PPFIA2: variants seen among roughly 807,000 people sequenced by gnomAD.
PPFIA2 encodes PPFI scaffold protein A2.
PPFIA2 carries 46 observed loss-of-function variants against 175.5 expected under a neutral mutation model. The observed-to-expected ratio is 0.26, with a 90% CI of 0.21 to 0.34. PPFIA2 has a LOEUF of 0.34. Among genes scored for constraint, PPFIA2 ranks in the 10% least tolerant of loss-of-function variants. The pLI is 1.00. For missense variants in PPFIA2, 1,179 were observed against 1,506.1 expected, an observed-to-expected ratio of 0.78 and a Z score of 3.60; for synonymous variants, 568 against 511.4, an observed-to-expected ratio of 1.11 and a Z score of -1.49.
At chr12:81,262,486 G>A (rs1436855721) in intron 31 of PPFIA2, among the ~76,000 whole-genome samples, 1 of 152,066 alleles carries the variant, frequency 6.6e-6, no homozygotes, top group African/African-American at 2.4e-5. Context: ...GTTTATGTTG[G>A]AACTAAATTT....
At chr12:81,433,624 A>G (rs1288598732) in intron 7 of PPFIA2, among the ~76,000 whole-genome samples, 1 of 152,208 alleles carries the variant, frequency 6.6e-6, no homozygotes, top group Non-Finnish European at 1.5e-5. Context: ...TGATCAACAT[A>G]TTGCTGTTTA....
At chr12:81,410,805 TTCTC>T (rs1056911028) in intron 7 of PPFIA2, among the ~76,000 whole-genome samples, 4 of 152,024 alleles carry the variant, frequency 2.6e-5, no homozygotes, top group South Asian at 2.1e-4. Context: ...TGGGAAACGA[TTCTC>T]TCTATCTACT....
chr12:81,315,476 A>G (rs1291739301), intron 22 of PPFIA2, among the ~76,000 whole-genome samples: 1 of 151,730 alleles, frequency 6.6e-6, no homozygotes, highest in Non-Finnish European at 1.5e-5. Flanking sequence ...GTGATAATGC[A>G]CTGGAAAAGG....
chr12:81,503,726 G>C (rs1485719656), intron 4 of PPFIA2, among the ~76,000 whole-genome samples: 1 of 151,824 alleles, frequency 6.6e-6, no homozygotes, highest in Admixed American at 6.6e-5. Flanking sequence ...TTTTTCTCTA[G>C]TTATAAATTT....
intron 23 of PPFIA2, among the ~76,000 whole-genome samples, chr12:81,296,323 A>C (rs1391572146): frequency 2.0e-5 from 3 of 152,192 alleles, no homozygotes; most frequent in Middle Eastern, 3.2e-3. Context: ...TGTCTCAAAA[A>C]AGAAAAGAAA....
intron 4 of PPFIA2, among the ~76,000 whole-genome samples, chr12:81,480,629 C>G (rs190163925): frequency 1.3e-3 from 192 of 152,228 alleles, no homozygotes; most frequent in Non-Finnish European, 2.0e-3. Context: ...TGATGCTCTT[C>G]CTTTGTATTT....
At chr12:81,283,859 C>T (rs865876023) in intron 25 of PPFIA2, among the ~76,000 whole-genome samples, 1 of 151,936 alleles carries the variant, frequency 6.6e-6, no homozygotes. Context: ...ACCACATGAT[C>T]ATATTAAAAA....
At chr12:81,598,183 T>C in intron 4 of PPFIA2, 1 of 1,380,496 alleles carries the variant, frequency 7.2e-7, no homozygotes. Context: ...GATAGCATTT[T>C]GAATTGTTCT....
intron 4 of PPFIA2, among the ~76,000 whole-genome samples, chr12:81,604,623 C>A (rs906076671): frequency 6.6e-6 from 1 of 151,492 alleles, no homozygotes; most frequent in Non-Finnish European, 1.5e-5. Context: ...CAATATCACA[C>A]CTCAAATAAA....
intron 4 of PPFIA2, among the ~76,000 whole-genome samples, chr12:81,539,058 T>C (rs1394887054): frequency 6.6e-6 from 1 of 151,888 alleles, no homozygotes; most frequent in Non-Finnish European, 1.5e-5. Flanking sequence ...ATGGGTTGTA[T>C]TGTGTGAAAG....
At chr12:81,303,742 AG>A (rs2048439102) in intron 22 of PPFIA2, among the ~76,000 whole-genome samples, 1 of 152,214 alleles carries the variant, frequency 6.6e-6, no homozygotes, top group African/African-American at 2.4e-5. Context: ...AACTGAAGAC[AG>A]GAGCAAACAA....
At chr12:81,658,665 G>GTATAT (rs1469589227) in intron 4 of PPFIA2, among the ~76,000 whole-genome samples, 1 of 151,788 alleles carries the variant, frequency 6.6e-6, no homozygotes, top group Non-Finnish European at 1.5e-5. Flanking sequence ...ATATGTGTGT[G>GTATAT]TATATGTGCA....
chr12:81,547,073 A>T (rs150857709), intron 4 of PPFIA2, among the ~76,000 whole-genome samples: 246 of 152,230 alleles, frequency 1.6e-3, no homozygotes, highest in African/African-American at 5.8e-3. Context: ...CAGTGCCTAG[A>T]TTTTGGTGTT....
At chr12:81,514,637 T>A (rs1352469689) in intron 4 of PPFIA2, among the ~76,000 whole-genome samples, 2 of 151,928 alleles carry the variant, frequency 1.3e-5, no homozygotes, top group African/African-American at 2.4e-5. Context: ...TTAAGGAAAT[T>A]TGGTATGCTT....
intron 5 of PPFIA2, among the ~76,000 whole-genome samples, chr12:81,457,444 A>G (rs780117620): frequency 2.0e-5 from 3 of 152,072 alleles, no homozygotes; most frequent in Non-Finnish European, 2.9e-5. Context: ...CCTACCCCCA[A>G]AACAACCTTT....
chr12:81,265,324 G>A (rs2052074028), intron 30 of PPFIA2, among the ~76,000 whole-genome samples: 1 of 143,322 alleles, frequency 7.0e-6, no homozygotes, highest in South Asian at 2.2e-4. Flanking sequence ...AAAATTGCCA[G>A]TTTTTAGAGT....
intron 4 of PPFIA2, among the ~76,000 whole-genome samples, chr12:81,523,108 T>C (rs561784550): frequency 1.3e-5 from 2 of 152,184 alleles, no homozygotes; most frequent in African/African-American, 2.4e-5. Flanking sequence ...TCATTGGCGA[T>C]AAATCTGTCA....
At chr12:81,716,141 C>A (rs1188758137) in intron 3 of PPFIA2, among the ~76,000 whole-genome samples, 1 of 151,418 alleles carries the variant, frequency 6.6e-6, no homozygotes, top group Admixed American at 6.6e-5. Context: ...TTATATTTAT[C>A]TACATATAAT....
intron 4 of PPFIA2, among the ~76,000 whole-genome samples, chr12:81,572,482 C>T (rs185566521): frequency 6.6e-6 from 1 of 151,902 alleles, no homozygotes; most frequent in Non-Finnish European, 1.5e-5. Flanking sequence ...AGTGTAAGCT[C>T]AATTAGAACA....
Sources: allele counts gnomAD v4.1 joint callset (sites outside exome capture counted in the v4.1 genomes callset), GRCh38; gene constraint gnomAD v4.1.1; transcripts MANE v1.5; gene names NCBI Gene and HGNC (gene_info 2026-07-23, HGNC 2026-07-21).